MACROD2: variants seen among roughly 807,000 people sequenced by gnomAD.
MACROD2 encodes ADP-ribose glycohydrolase MACROD2.
Under a neutral mutation model 70.4 loss-of-function variants are expected in MACROD2, and 36 were observed. The observed-to-expected ratio is 0.51, with a 90% CI of 0.39 to 0.68. The LOEUF is 0.68. Ranked by LOEUF, MACROD2 falls within the 30% of genes least tolerant of loss-of-function variation. The pLI, the probability that MACROD2 is intolerant of heterozygous loss-of-function variation, is 0.00. For synonymous variants in MACROD2, 172 were observed against 178.8 expected, an observed-to-expected ratio of 0.96 and a Z score of 0.30; for missense variants, 496 against 538.4, an observed-to-expected ratio of 0.92 and a Z score of 0.78.
At chr20:15,538,926 T>C (rs2047915552) in intron 8 of MACROD2, among the ~76,000 whole-genome samples, 1 of 152,080 alleles carries the variant, frequency 6.6e-6, no homozygotes, top group South Asian at 2.1e-4. Flanking sequence ...ATATGAAATA[T>C]ATTTTAGGGC....
At chr20:15,914,662 C>G (rs2065286709) in intron 10 of MACROD2, among the ~76,000 whole-genome samples, 2 of 152,294 alleles carry the variant, frequency 1.3e-5, no homozygotes, top group South Asian at 2.1e-4. Context: ...AAGCAATTCT[C>G]TAGTTCTCCA....
rs370477304 is a variant in MACROD2 at position 14,704,195 on chromosome 20, C to A, written c.418+19236C>A. Among the ~76,000 whole-genome samples the A allele has an allele frequency of 1.8e-4, 27 of 152,210 alleles. No homozygotes were observed. The South Asian group carries it at 3.7e-3, about 21-fold the overall frequency. On this transcript the variant is annotated intron_variant, in intron 5 of 17. Transcript: ENST00000684519. ...ATAAGTTTCCTTTATGATATTAATACCTCTCCTCAGCATTGAACTAAATGA... is the reference window on the plus strand; with the variant it reads ...ATAAGTTTCCTTTATGATATTAATAACTCTCCTCAGCATTGAACTAAATGA...
At position 14,493,485 on chromosome 20, in the gene MACROD2, C is replaced by T. The variant is rs2084817290; in HGVS notation, c.278C>T (p.Ala93Val). ...EVDAIVNAAN[A>V]SLLGGGGVDG... Reference sequence around the variant, plus strand: ...TGTGTTTTGTTTTAAACAGCAAATGCCAGTCTTCTTGGAGGAGGAGGTGGT... The same window carrying T: ...TGTGTTTTGTTTTAAACAGCAAATGTCAGTCTTCTTGGAGGAGGAGGTGGT... Residue 93 changes from alanine to valine, a missense_variant, in exon 4 of 18, where the codon GCC (alanine) becomes GTC (valine). Physicochemically the swap from Ala to Val is moderately conservative, Grantham distance 64. Coordinates refer to ENST00000684519, the MANE Select transcript of MACROD2 (RefSeq NM_001351661.2). 2 of 1,608,226 alleles carry T rather than the reference C, an allele frequency of 1.2e-6. No individual in the cohort carries two copies. The highest frequency in any genetic ancestry group is 2.2e-5 in the South Asian group (2 of 90,690).
intron 5 of MACROD2, among the ~76,000 whole-genome samples, chr20:14,806,056 A>G (rs2072634992): frequency 6.6e-6 from 1 of 152,148 alleles, no homozygotes; most frequent in Non-Finnish European, 1.5e-5. Flanking sequence ...AGCACTCACT[A>G]AAAGATAGCT....
intron 6 of MACROD2, among the ~76,000 whole-genome samples, chr20:15,238,630 T>C (rs545028908): frequency 1.5e-4 from 23 of 152,330 alleles, no homozygotes; most frequent in African/African-American, 5.3e-4. Context: ...AGGACCGTGA[T>C]CAATTCTTTT....
chr20:15,910,439 A>G (rs2147265529), intron 10 of MACROD2, among the ~76,000 whole-genome samples: 1 of 148,896 alleles, frequency 6.7e-6, no homozygotes, highest in South Asian at 2.1e-4. Flanking sequence ...TGTAACTATC[A>G]CCATTCTTTT....
At chr20:15,984,063 A>G (rs1466052134) in intron 13 of MACROD2, among the ~76,000 whole-genome samples, 1 of 152,092 alleles carries the variant, frequency 6.6e-6, no homozygotes. Context: ...AAAACCTTGT[A>G]GACATATTTA....
chr20:15,943,697 G>A (rs2065781745), intron 12 of MACROD2, among the ~76,000 whole-genome samples: 11 of 152,150 alleles, frequency 7.2e-5, no homozygotes, highest in Admixed American at 7.2e-4. Context: ...GGGTGTGTGT[G>A]TGGGAAGTGA....
intron 6 of MACROD2, among the ~76,000 whole-genome samples, chr20:15,353,241 A>G (rs2078248038): frequency 6.6e-6 from 1 of 152,196 alleles, no homozygotes. Flanking sequence ...TGACAAAAAC[A>G]AGAAATGGCG....
At chr20:14,794,082 C>G (rs754731018) in intron 5 of MACROD2, among the ~76,000 whole-genome samples, 2 of 152,008 alleles carry the variant, frequency 1.3e-5, no homozygotes, top group Non-Finnish European at 2.9e-5. Context: ...TACTAACTAG[C>G]ACAGGTCTGT....
intron 5 of MACROD2, among the ~76,000 whole-genome samples, chr20:15,138,464 G>A (rs1166829238): frequency 6.6e-6 from 1 of 152,088 alleles, no homozygotes; most frequent in Non-Finnish European, 1.5e-5. Flanking sequence ...AAAATTCAAA[G>A]AGTAGAAGCT....
chr20:14,077,513 C>G (rs2053929613), intron 2 of MACROD2, among the ~76,000 whole-genome samples: 1 of 151,804 alleles, frequency 6.6e-6, no homozygotes, highest in East Asian at 1.9e-4. Context: ...AGTTAAACTA[C>G]TAAAAATAAT....
chr20:14,566,743 G>A (rs1476442269), intron 4 of MACROD2: 2 of 151,864 alleles, frequency 1.3e-5, no homozygotes, highest in Non-Finnish European at 1.5e-5. Flanking sequence ...TGTAACATAC[G>A]AAAGTCCAAC....
chr20:15,578,925 T>C (rs951628067), intron 8 of MACROD2, among the ~76,000 whole-genome samples: 1 of 152,220 alleles, frequency 6.6e-6, no homozygotes, highest in Non-Finnish European at 1.5e-5. Flanking sequence ...CAGATAGATA[T>C]AGCGATATGG....
chr20:14,534,533 G>A (rs1282367762), intron 4 of MACROD2, among the ~76,000 whole-genome samples: 6 of 150,714 alleles, frequency 4.0e-5, no homozygotes, highest in South Asian at 4.1e-4. Flanking sequence ...GAATAATCTC[G>A]TTGATCAAGA....
intron 8 of MACROD2, among the ~76,000 whole-genome samples, chr20:15,821,929 G>C (rs752377656): frequency 1.3e-5 from 2 of 152,098 alleles, no homozygotes; most frequent in African/African-American, 2.4e-5. Context: ...TTATTTTATA[G>C]GACTGCATCT....
intron 5 of MACROD2, among the ~76,000 whole-genome samples, chr20:15,154,747 C>G (rs2076295198): frequency 1.3e-5 from 2 of 152,204 alleles, no homozygotes; most frequent in Non-Finnish European, 2.9e-5. Context: ...TCGATCACTT[C>G]CCAAAGGCTC....
At chr20:15,257,041 T>C (rs968362040) in intron 6 of MACROD2, among the ~76,000 whole-genome samples, 3 of 152,058 alleles carry the variant, frequency 2.0e-5, no homozygotes, top group Non-Finnish European at 2.9e-5. Context: ...GTGGAAACCA[T>C]AGGACAATGA....
At position 14,326,734 on chromosome 20, in the gene MACROD2, T is replaced by C. The variant is rs1212300807; in HGVS notation, c.272-166745T>C. The C allele has an allele frequency of 6.2e-7, 1 of 1,613,800 alleles. No individual in the cohort carries two copies. The highest frequency in any genetic ancestry group is 1.7e-5 in the Admixed American group (1 of 59,966). On this transcript the variant is annotated intron_variant, in intron 3 of 17. Transcript: ENST00000684519. The surrounding 1 kb of genome is among the most constrained non-coding windows in gnomAD (Gnocchi z 5.5). ...AGCATTTGGGGGCACCCGATTGATG[T>C]GGTTATCTTGAAGATAAAGCTTCCT... is the stretch of plus-strand genomic sequence containing the variant.
Sources: gnomAD v4.1 joint callset for allele counts (sites outside exome capture counted in the v4.1 genomes callset) on GRCh38, gnomAD v4.1.1 for gene constraint, Gnocchi (gnomAD v3.1) non-coding constraint, MANE v1.5 for transcripts, NCBI Gene and HGNC (gene_info 2026-07-23, HGNC 2026-07-21) for gene names.